DNM3: variants seen among roughly 807,000 people sequenced by gnomAD.
DNM3 encodes dynamin 3.
Under a neutral mutation model 101.6 loss-of-function variants are expected in DNM3, and 47 were observed. The ratio of observed to expected loss-of-function variants is 0.46; its 90% CI spans 0.37 to 0.59. The LOEUF (loss-of-function observed/expected upper bound fraction) is 0.59, where lower values mean the gene tolerates loss of function less well. Among genes scored for constraint, DNM3 ranks in the 20% least tolerant of loss-of-function variants. The pLI, the probability that DNM3 is intolerant of heterozygous loss-of-function variation, is 0.00. For missense variants in DNM3, 849 were observed against 1,085.7 expected (o/e 0.78, Z 3.06); for synonymous variants, 385 against 387.9 (o/e 0.99, Z 0.09).
intron 1 of DNM3, among the ~76,000 whole-genome samples, chr1:171,853,681 T>G (rs2033246179): frequency 6.6e-6 from 1 of 152,238 alleles, no homozygotes; most frequent in South Asian, 2.1e-4. Context: ...ATTCTCATTC[T>G]GACCATCAGA....
At chr1:172,354,112 T>TGTGTGTGAGAGAGAGAGAGAGA (rs138540712) in intron 17 of DNM3, among the ~76,000 whole-genome samples, 2 of 94,940 alleles carry the variant, frequency 2.1e-5, no homozygotes, top group African/African-American at 8.9e-5. Flanking sequence ...TGTGTGTGTG[T>TGTGTGTGAGAGAGAGAGAGAGA]GAGAGAGAGA....
At chr1:171,915,370 G>C (rs1271614298) in intron 1 of DNM3, among the ~76,000 whole-genome samples, 2 of 152,202 alleles carry the variant, frequency 1.3e-5, no homozygotes, top group Non-Finnish European at 2.9e-5. Flanking sequence ...AGGGAAATTA[G>C]TTGTGAGATT....
chr1:172,279,677 T>C (rs1393477757), intron 15 of DNM3, among the ~76,000 whole-genome samples: 1 of 152,102 alleles, frequency 6.6e-6, no homozygotes, highest in Non-Finnish European at 1.5e-5. Flanking sequence ...AACTTAAACA[T>C]CACCTTGGAT....
chr1:172,229,733 C>G (rs991786091), intron 14 of DNM3, among the ~76,000 whole-genome samples: 1 of 151,866 alleles, frequency 6.6e-6, no homozygotes, highest in Non-Finnish European at 1.5e-5. Context: ...GATTATACTA[C>G]AAAACATACA....
At chr1:172,219,780 T>A (rs2060841104) in intron 14 of DNM3, among the ~76,000 whole-genome samples, 1 of 152,174 alleles carries the variant, frequency 6.6e-6, no homozygotes, top group Non-Finnish European at 1.5e-5. Context: ...TTAATTTAAA[T>A]CTGCCTTCCC....
At position 171,935,769 on chromosome 1, in the gene DNM3, C is replaced by CTTTTT. The variant is rs551030808; in HGVS notation, c.235+13971_235+13975dup. On this transcript the variant is annotated intron_variant, in intron 2 of 20. Transcript: ENST00000627582. ...AATTGGCAAATACTACAAATCAAAACTTTTTTTTTTTTTTTTTTTTTTTTT... is the reference window on the plus strand; with the variant it reads ...AATTGGCAAATACTACAAATCAAAACTTTTTTTTTTTTTTTTTTTTTTTTTTTTTT... Among the ~76,000 whole-genome samples, 187 of 48,006 alleles carry CTTTTT rather than the reference C, an allele frequency of 3.9e-3. 41 individuals carry two copies. Among genetic ancestry groups the CTTTTT allele is most frequent in the South Asian group, 7.3e-3 (7 of 956 alleles). 31.5% of individuals were successfully genotyped at this position (48,006 alleles called of 152,430 possible).
At chr1:172,185,018 G>T (rs1053372664) in intron 14 of DNM3, among the ~76,000 whole-genome samples, 1 of 150,600 alleles carries the variant, frequency 6.6e-6, no homozygotes, top group Admixed American at 6.6e-5. Context: ...AAGTGATTTG[G>T]AAAAAAAAAG....
chr1:172,243,234 G>A (rs780314525), intron 14 of DNM3, among the ~76,000 whole-genome samples: 12 of 152,064 alleles, frequency 7.9e-5, no homozygotes, highest in Non-Finnish European at 1.5e-4. Context: ...AAATATATGA[G>A]AACAAAATCC....
At chr1:171,884,983 C>T (rs2125144087) in intron 1 of DNM3, among the ~76,000 whole-genome samples, 2 of 152,274 alleles carry the variant, frequency 1.3e-5, no homozygotes, top group Middle Eastern at 6.8e-3. Flanking sequence ...ACATCTCAAC[C>T]ATCTTTTCAT....
At chr1:172,007,592 TA>T (rs1483980185) in intron 4 of DNM3, among the ~76,000 whole-genome samples, 1 of 152,134 alleles carries the variant, frequency 6.6e-6, no homozygotes, top group Non-Finnish European at 1.5e-5. Flanking sequence ...TCATATTCTT[TA>T]ACTGTATCTT....
intron 4 of DNM3, among the ~76,000 whole-genome samples, chr1:172,024,765 C>G (rs1028759231): frequency 6.6e-6 from 1 of 152,200 alleles, no homozygotes; most frequent in African/African-American, 2.4e-5. Flanking sequence ...AGGGTGCATT[C>G]CAGCTCAGAT....
intron 14 of DNM3, among the ~76,000 whole-genome samples, chr1:172,152,427 C>T (rs976828784): frequency 1.3e-5 from 2 of 152,044 alleles, no homozygotes; most frequent in Non-Finnish European, 1.5e-5. Flanking sequence ...CTATGTACTT[C>T]GTAAATCAAC....
intron 11 of DNM3, among the ~76,000 whole-genome samples, chr1:172,081,111 G>A (rs2053110876): frequency 6.6e-6 from 1 of 151,308 alleles, no homozygotes; most frequent in African/African-American, 2.4e-5. Flanking sequence ...TAAGAGATGG[G>A]GTCTTGCTAT....
Position 172,095,925 on chromosome 1 carries a change from C to G in DNM3, c.1545+3050C>G, listed in dbSNP as rs1017526476. Among the ~76,000 whole-genome samples, 11 of 152,288 alleles carry G rather than the reference C, an allele frequency of 7.2e-5. No individual in the cohort carries two copies. The East Asian group carries it at 1.9e-3, about 27-fold the overall frequency. ...AAATTTAAATTTAACCTTCATTCAT[C>G]CTTCCACTCATGTATTCAAAACCTA... On this transcript the variant is annotated intron_variant, in intron 13 of 20. Coordinates refer to ENST00000627582, the MANE Select transcript of DNM3 (RefSeq NM_015569.5).
At chr1:172,104,169 T>C in intron 13 of DNM3, among the ~76,000 whole-genome samples, 1 of 152,366 alleles carries the variant, frequency 6.6e-6, no homozygotes, top group East Asian at 1.9e-4. Context: ...GTTTGTATTA[T>C]ATATAGTACA....
intron 1 of DNM3, among the ~76,000 whole-genome samples, chr1:171,864,992 T>C (rs2034573900): frequency 6.6e-6 from 1 of 152,182 alleles, no homozygotes; most frequent in Admixed American, 6.5e-5. Flanking sequence ...ATTTAAAATC[T>C]AGTGGGTTTT....
At chr1:172,317,139 C>A (rs2065416602) in intron 16 of DNM3, among the ~76,000 whole-genome samples, 3 of 151,466 alleles carry the variant, frequency 2.0e-5, no homozygotes, top group African/African-American at 7.3e-5. Context: ...TGAATGACTA[C>A]TGGGTACATA....
At chr1:171,946,824 AAG>A (rs1204466563) in intron 2 of DNM3, among the ~76,000 whole-genome samples, 5 of 152,168 alleles carry the variant, frequency 3.3e-5, no homozygotes, top group African/African-American at 1.2e-4. Context: ...GCAAGAGAGA[AAG>A]AGAGAAAGGA....
intron 15 of DNM3, among the ~76,000 whole-genome samples, chr1:172,275,305 A>G (rs2063239687): frequency 6.6e-6 from 1 of 152,066 alleles, no homozygotes; most frequent in Non-Finnish European, 1.5e-5. Context: ...AGATGATAGA[A>G]CATACAGAAC....
Sources: allele counts gnomAD v4.1 joint callset (sites outside exome capture counted in the v4.1 genomes callset), GRCh38; gene constraint gnomAD v4.1.1; transcripts MANE v1.5; gene names NCBI Gene and HGNC (gene_info 2026-07-23, HGNC 2026-07-21).